Variants in PRKG1 observed in about 807,000 individuals in gnomAD.
PRKG1 encodes the protein protein kinase cGMP-dependent 1.
In PRKG1, 35 loss-of-function variants were observed where a neutral mutation model predicts 88.1. That is an observed-to-expected ratio of 0.40 (90% CI 0.30 to 0.53). The LOEUF is 0.53. Ranked by LOEUF, PRKG1 falls within the 20% of genes least tolerant of loss-of-function variation. The probability of loss-of-function intolerance (pLI) is 0.59; values close to 1 mark genes in which losing one functional copy is unlikely to be tolerated. For synonymous variants in PRKG1, 303 were observed against 292.5 expected, an observed-to-expected ratio of 1.04 and a Z score of -0.37; for missense variants, 540 against 839.8, an observed-to-expected ratio of 0.64 and a Z score of 4.41.
At chr10:51,503,285 G>A (rs1001428855) in intron 3 of PRKG1, among the ~76,000 whole-genome samples, 2 of 151,942 alleles carry the variant, frequency 1.3e-5, no homozygotes, top group South Asian at 4.1e-4. Flanking sequence ...GTAAAACAAA[G>A]AAGATGAAGG....
At chr10:51,379,731 A>G (rs1837024186) in intron 2 of PRKG1, among the ~76,000 whole-genome samples, 1 of 152,204 alleles carries the variant, frequency 6.6e-6, no homozygotes, top group East Asian at 1.9e-4. Flanking sequence ...TTAACTGAAG[A>G]GTTGAGAGAG....
At chr10:51,447,632 C>A (rs528431021) in intron 2 of PRKG1, among the ~76,000 whole-genome samples, 4 of 111,712 alleles carry the variant, frequency 3.6e-5, no homozygotes, top group African/African-American at 1.3e-4. Flanking sequence ...TTCTCTCCAC[C>A]TCTTCCTCTT....
intron 9 of PRKG1, among the ~76,000 whole-genome samples, chr10:52,190,633 C>G (rs535732559): frequency 6.6e-6 from 1 of 152,248 alleles, no homozygotes; most frequent in African/African-American, 2.4e-5. Flanking sequence ...GTAAATGGTA[C>G]AGTGGAGATT....
chr10:52,014,908 A>C (rs1844996962), intron 5 of PRKG1, among the ~76,000 whole-genome samples: 1 of 152,248 alleles, frequency 6.6e-6, no homozygotes, highest in Non-Finnish European at 1.5e-5. Flanking sequence ...TGCAAGGCAT[A>C]GGTTCCCAAG....
At chr10:51,834,640 C>T (rs1840081302) in intron 4 of PRKG1, among the ~76,000 whole-genome samples, 2 of 142,418 alleles carry the variant, frequency 1.4e-5, no homozygotes, top group Non-Finnish European at 3.0e-5. Context: ...CACAGTGACA[C>T]CCTGTCAAAA....
At chr10:52,003,792 G>T (rs1210571782) in intron 5 of PRKG1, among the ~76,000 whole-genome samples, 1 of 152,086 alleles carries the variant, frequency 6.6e-6, no homozygotes, top group Non-Finnish European at 1.5e-5. Context: ...AATCAATCCT[G>T]GTTTTCCTCT....
rs536933051 is a variant in PRKG1, at chr10:51,497,482, T to C, written c.592+29646T>C. Among the ~76,000 whole-genome samples, 17 of 152,316 alleles carry C rather than the reference T, an allele frequency of 1.1e-4. No homozygotes were observed. The East Asian group carries it at 3.3e-3, about 29-fold the overall frequency. On this transcript the variant is annotated intron_variant, in intron 3 of 17. Transcript: ENST00000373980. ...TAATGAAAAAAATCAGACTATTTAA[T>C]GTGAAATTACAAATGTGATGCATGC...
intron 1 of PRKG1, among the ~76,000 whole-genome samples, chr10:51,136,485 C>T (rs1385835859): frequency 6.7e-6 from 1 of 149,036 alleles, no homozygotes; most frequent in African/African-American, 2.5e-5. Context: ...TAGAATAGAG[C>T]CCTGGGATCT....
chr10:51,752,813 A>G (rs1419546119), intron 3 of PRKG1, among the ~76,000 whole-genome samples: 1 of 152,188 alleles, frequency 6.6e-6, no homozygotes, highest in Non-Finnish European at 1.5e-5. Flanking sequence ...GATTATTCTC[A>G]TAGGCAGAAA....
intron 3 of PRKG1, among the ~76,000 whole-genome samples, chr10:51,514,204 G>A (rs1182259564): frequency 1.3e-5 from 2 of 151,404 alleles, no homozygotes; most frequent in Middle Eastern, 3.4e-3. Context: ...TACCATCAGA[G>A]AATACTACAA....
intron 3 of PRKG1, among the ~76,000 whole-genome samples, chr10:51,640,683 A>AT (rs895059830): frequency 1.3e-5 from 2 of 152,030 alleles, no homozygotes; most frequent in African/African-American, 4.8e-5. Flanking sequence ...TGAGATTTGA[A>AT]TTTTTTTTAA....
chr10:51,766,861 T>C (rs185487522), intron 3 of PRKG1, among the ~76,000 whole-genome samples: 10 of 152,308 alleles, frequency 6.6e-5, no homozygotes, highest in African/African-American at 2.4e-4. Context: ...GTTTTTTACT[T>C]TGTTCACTCT....
At position 52,208,008 on chromosome 10, in the gene PRKG1, G is replaced by A. The variant is rs865988258; in HGVS notation, c.1077-43562G>A. Among the ~76,000 whole-genome samples the A allele has an allele frequency of 1.1e-4, 16 of 151,978 alleles. 1 individual carries two copies. The highest frequency in any genetic ancestry group is 4.1e-4 in the South Asian group (2 of 4,828). On this transcript the variant is annotated intron_variant, in intron 9 of 17. Transcript: ENST00000373980. ...CAACCTCTATTATCCTATTTTCCAG[G>A]TGAGGAATCTGAGGCTCAGAGAGAT...
intron 2 of PRKG1, among the ~76,000 whole-genome samples, chr10:51,218,867 A>G (rs1018392198): frequency 6.6e-6 from 1 of 151,900 alleles, no homozygotes; most frequent in East Asian, 1.9e-4. Context: ...GAAGAAGGAG[A>G]GAAGAAGGGG....
At chr10:51,903,825 A>G (rs1316207364) in intron 4 of PRKG1, among the ~76,000 whole-genome samples, 1 of 152,266 alleles carries the variant, frequency 6.6e-6, no homozygotes. Context: ...CATCATTTAC[A>G]GGGGATGTTT....
At chr10:51,695,372 C>G (rs1841261473) in intron 3 of PRKG1, 1 of 152,136 alleles carries the variant, frequency 6.6e-6, no homozygotes, top group Admixed American at 6.5e-5. Flanking sequence ...CCTGCAATTT[C>G]ATTAGTTCTG....
At position 52,218,028 on chromosome 10, in the gene PRKG1, A is replaced by G. The variant is rs1007616226; in HGVS notation, c.1077-33542A>G. 3.9e-5 allele frequency among the ~76,000 whole-genome samples: 6 copies of G among 151,966 alleles called. No homozygotes were observed. In the South Asian group the frequency reaches 8.3e-4, roughly 21 times the overall value. The stretch of plus-strand genomic sequence containing the variant: ...GGAGTTCAAGACCAGCCTGACCAAC[A>G]TGGTGAAACCCTGTCTCTACTAAAA... On this transcript the variant is annotated intron_variant, in intron 9 of 17. Transcript: ENST00000373980.
intron 9 of PRKG1, among the ~76,000 whole-genome samples, chr10:52,172,627 T>C (rs916573583): frequency 6.6e-6 from 1 of 152,252 alleles, no homozygotes; most frequent in African/African-American, 2.4e-5. Context: ...ATTATCTCTA[T>C]CTACAATTCC....
chr10:51,735,351 A>G (rs968041526), intron 3 of PRKG1, among the ~76,000 whole-genome samples: 18 of 152,144 alleles, frequency 1.2e-4, no homozygotes, highest in African/African-American at 4.3e-4. Flanking sequence ...TGGGTAATGC[A>G]TTAGGATTTA....
Sources: allele counts gnomAD v4.1 joint callset (sites outside exome capture counted in the v4.1 genomes callset), GRCh38; gene constraint gnomAD v4.1.1; transcripts MANE v1.5; gene names NCBI Gene and HGNC (gene_info 2026-07-23, HGNC 2026-07-21).